The following PEPD variants were observed in gnomAD, a reference collection of about 807,000 sequenced individuals.
PEPD encodes peptidase D, also known as xaa-Pro dipeptidase.
A neutral mutation model predicts 60.7 loss-of-function variants in PEPD; 53 were observed. The ratio of observed to expected loss-of-function variants is 0.87; its 90% CI spans 0.70 to 1.10. The LOEUF is 1.10. Among genes scored for constraint, PEPD ranks in the 50% least tolerant of loss-of-function variants. The pLI, the probability that PEPD is intolerant of heterozygous loss-of-function variation, is 0.00. For synonymous variants in PEPD, 267 were observed against 284.1 expected, an observed-to-expected ratio of 0.94 and a Z score of 0.60; for missense variants, 711 against 711.9, an observed-to-expected ratio of 1.00 and a Z score of 0.01.
rs556119388 is a variant in PEPD at position 33,487,886 on chromosome 19, G to T, written c.503+2110C>A. ...AGAGGTCACACCTAGGAATCCTCCT[G>T]GGGGGTAGAACGAGACCTTTGCTTC... is the stretch of plus-strand genomic sequence containing the variant. On this transcript the variant is annotated intron_variant, in intron 6 of 14. Transcript: ENST00000244137. 1.8e-4 allele frequency among the ~76,000 whole-genome samples: 27 copies of T among 152,180 alleles called. No homozygotes were observed. The South Asian group carries it at 4.4e-3, about 25-fold the overall frequency.
At chr19:33,456,951 C>T (rs528509035) in intron 9 of PEPD, among the ~76,000 whole-genome samples, 3 of 151,694 alleles carry the variant, frequency 2.0e-5, no homozygotes, top group Admixed American at 1.3e-4. Context: ...GTGAAACCTG[C>T]GTCCTCTGCA....
chr19:33,387,644 C>T (rs1234714755), intron 14 of PEPD, 163 bp from the exon 15 acceptor site: 1 of 913,164 alleles, frequency 1.1e-6, no homozygotes, highest in African/African-American at 1.6e-5. Flanking sequence ...CTGCCCATGT[C>T]ACCTGCTCAC....
At chr19:33,401,632 T>C (rs138916585) in intron 12 of PEPD, 89 bp downstream of exon 12, 14 of 1,241,922 alleles carry the variant, frequency 1.1e-5, no homozygotes, top group Non-Finnish European at 1.5e-5. Flanking sequence ...AGTCACACAA[T>C]GCAGACCCGT....
At chr19:33,418,839 A>T (rs1315953814) in intron 9 of PEPD, among the ~76,000 whole-genome samples, 1 of 152,230 alleles carries the variant, frequency 6.6e-6, no homozygotes, top group Non-Finnish European at 1.5e-5. Context: ...AGCAAGAGGC[A>T]TTCACGTGAT....
chr19:33,480,950 C>T (rs898358864), intron 6 of PEPD, among the ~76,000 whole-genome samples: 7 of 152,140 alleles, frequency 4.6e-5, no homozygotes, highest in African/African-American at 1.7e-4. Flanking sequence ...TATGTTAGGT[C>T]ACAAAACAAG....
At chr19:33,388,495 G>A in intron 13 of PEPD, 1 of 322,504 alleles carries the variant, frequency 3.1e-6, no homozygotes, top group South Asian at 3.2e-5. Context: ...AGCCCCTTGG[G>A]GCCACAGCTT....
At chr19:33,497,974 T>C (rs1970638070) in intron 4 of PEPD, among the ~76,000 whole-genome samples, 1 of 152,060 alleles carries the variant, frequency 6.6e-6, no homozygotes, top group South Asian at 2.1e-4. Context: ...TGTGGGACTG[T>C]GGACGAGGCC....
intron 11 of PEPD, among the ~76,000 whole-genome samples, chr19:33,404,818 T>TA (rs34590608): frequency 0.27 from 41,373 of 151,876 alleles, 6,128 homozygotes; most frequent in African/African-American, 0.36. Context: ...TTTTCTGCCT[T>TA]AAAAAAATCC....
intron 9 of PEPD, among the ~76,000 whole-genome samples, chr19:33,426,105 C>A (rs906584724): frequency 2.0e-5 from 3 of 152,186 alleles, no homozygotes; most frequent in Non-Finnish European, 4.4e-5. Flanking sequence ...CAGGTGTGAG[C>A]CACTGTGCCA....
chr19:33,401,664 T>C (rs972051206), intron 12 of PEPD, 57 bp downstream of exon 12: 8 of 1,528,470 alleles, frequency 5.2e-6, no homozygotes, highest in African/African-American at 2.7e-5. Context: ...ACCTGCCACA[T>C]AGCAGCGCCC....
chr19:33,407,346 G>A (rs1441635071), intron 11 of PEPD, among the ~76,000 whole-genome samples: 1 of 152,248 alleles, frequency 6.6e-6, no homozygotes, highest in East Asian at 1.9e-4. Context: ...TGCGCCCCCT[G>A]CCCTAGCTGC....
chr19:33,503,119 A>AC (rs1970741440), intron 3 of PEPD, among the ~76,000 whole-genome samples: 1 of 151,988 alleles, frequency 6.6e-6, no homozygotes, highest in Non-Finnish European at 1.5e-5. Flanking sequence ...GACCAGCATC[A>AC]CCTGCAGGAA....
intron 1 of PEPD, among the ~76,000 whole-genome samples, chr19:33,518,974 G>A (rs1426313896): frequency 6.6e-6 from 1 of 152,162 alleles, no homozygotes; most frequent in East Asian, 1.9e-4. Flanking sequence ...AACATTCCAG[G>A]GCTAGTTGGG....
intron 11 of PEPD, among the ~76,000 whole-genome samples, chr19:33,410,319 C>A (rs780998258): frequency 6.6e-6 from 1 of 152,248 alleles, no homozygotes; most frequent in Non-Finnish European, 1.5e-5. Context: ...GAGCGGGGAG[C>A]CCGGGCAGTC....
chr19:33,514,330 A>G (rs1158497206), intron 1 of PEPD, among the ~76,000 whole-genome samples: 1 of 151,710 alleles, frequency 6.6e-6, no homozygotes, highest in Non-Finnish European at 1.5e-5. Context: ...AGCACGGTGA[A>G]GTGGTCTGGG....
At chr19:33,439,918 G>A (rs971887588) in intron 9 of PEPD, among the ~76,000 whole-genome samples, 2 of 152,162 alleles carry the variant, frequency 1.3e-5, no homozygotes, top group African/African-American at 4.8e-5. Flanking sequence ...GGGTCTTCCT[G>A]TGTTGCCCAG....
chr19:33,489,715 A>G (rs1600156955), intron 6 of PEPD, among the ~76,000 whole-genome samples: 1 of 151,978 alleles, frequency 6.6e-6, no homozygotes, highest in Non-Finnish European at 1.5e-5. Flanking sequence ...AGGGAAAACA[A>G]CCCACCTGTG....
chr19:33,509,955 G>A (rs200358853), intron 3 of PEPD, among the ~76,000 whole-genome samples: 11 of 152,330 alleles, frequency 7.2e-5, no homozygotes, highest in South Asian at 2.1e-4. Flanking sequence ...CCTGCGCTGC[G>A]TCCAGAGGAA....
chr19:33,513,857 C>A (rs1970974165), intron 1 of PEPD, among the ~76,000 whole-genome samples: 1 of 152,222 alleles, frequency 6.6e-6, no homozygotes. Flanking sequence ...CCAAGGGCAT[C>A]CCATGCCCTT....
Sources: gnomAD v4.1 joint callset for allele counts (sites outside exome capture counted in the v4.1 genomes callset) on GRCh38, gnomAD v4.1.1 for gene constraint, MANE v1.5 for transcripts, NCBI Gene and HGNC (gene_info 2026-07-23, HGNC 2026-07-21) for gene names.